The following FCHSD2 variants were observed in gnomAD, a reference collection of about 807,000 sequenced individuals.
FCHSD2 encodes the protein F-BAR and double SH3 domains protein 2.
Under a neutral mutation model 108.1 loss-of-function variants are expected in FCHSD2, and 38 were observed. That is an observed-to-expected ratio of 0.35 (90% CI 0.27 to 0.46). The LOEUF is 0.46. Ranked by LOEUF, FCHSD2 falls within the 20% of genes least tolerant of loss-of-function variation. FCHSD2 has a pLI of 1.00. For missense variants in FCHSD2, 751 were observed against 897.8 expected (o/e 0.84, Z 2.09); for synonymous variants, 279 against 314.7 (o/e 0.89, Z 1.20).
At position 73,076,618 on chromosome 11, in the gene FCHSD2, T is replaced by C. The variant is rs979381404; in HGVS notation, c.165+7077A>G. On this transcript the variant is annotated intron_variant, in intron 3 of 19. Coordinates refer to ENST00000409418, the MANE Select transcript of FCHSD2 (RefSeq NM_014824.3). ...TTCTAAAACTGAATTGTGCTGATTA[T>C]GGCATAACTTTGTATGTTTGCTAAA... Among the ~76,000 whole-genome samples, 13 of 152,234 alleles carry C rather than the reference T, an allele frequency of 8.5e-5. 1 individual carries two copies. Among genetic ancestry groups the C allele is most frequent in the Non-Finnish European group, 1.8e-4 (12 of 68,036 alleles).
intron 12 of FCHSD2, among the ~76,000 whole-genome samples, chr11:72,872,612 C>T (rs1854885348): frequency 6.6e-6 from 1 of 152,066 alleles, no homozygotes; most frequent in African/African-American, 2.4e-5. Flanking sequence ...TATGTTGTAA[C>T]ATGTATCAGT....
chr11:72,951,344 G>C (rs1856615975), intron 8 of FCHSD2, among the ~76,000 whole-genome samples: 1 of 152,228 alleles, frequency 6.6e-6, no homozygotes, highest in Non-Finnish European at 1.5e-5. Context: ...AGATTGGGAA[G>C]CTGGTAAACC....
chr11:72,875,937 A>G (rs1268048499), intron 12 of FCHSD2, among the ~76,000 whole-genome samples: 1 of 152,186 alleles, frequency 6.6e-6, no homozygotes, highest in Non-Finnish European at 1.5e-5. Context: ...TGGGGAAAAG[A>G]CCCAGCCATC....
chr11:72,838,563 G>A lies in FCHSD2; in HGVS notation c.*228C>T. The A allele has an allele frequency of 1.8e-6, 1 of 566,914 alleles. No individual in the cohort carries two copies. Among genetic ancestry groups the A allele is most frequent in the South Asian group, 2.1e-5 (1 of 48,556 alleles). The allele number at this position is 566,914 out of a possible 1,614,324, so 35.1% of individuals were successfully genotyped here. Reference sequence around the variant, plus strand: ...CCTCTTTGCTCCTAGGGTCCGCTAGGATTTGTGCTATGGTAGGAGAAATGA... The same window carrying A: ...CCTCTTTGCTCCTAGGGTCCGCTAGAATTTGTGCTATGGTAGGAGAAATGA... On this transcript the variant is annotated 3_prime_UTR_variant, in exon 20 of 20. Coordinates refer to ENST00000409418, the MANE Select transcript of FCHSD2 (RefSeq NM_014824.3).
At chr11:73,108,953 G>T (rs1248411101) in intron 2 of FCHSD2, among the ~76,000 whole-genome samples, 3 of 152,180 alleles carry the variant, frequency 2.0e-5, no homozygotes, top group Non-Finnish European at 4.4e-5. Context: ...TCTGCATACG[G>T]ATATTCAGTT....
intron 4 of FCHSD2, among the ~76,000 whole-genome samples, chr11:73,009,126 C>T (rs553790360): frequency 7.9e-5 from 12 of 151,326 alleles, no homozygotes; most frequent in Admixed American, 4.6e-4. Flanking sequence ...CTGCATGTAT[C>T]ATCAGATAGG....
chr11:73,080,993 T>C lies in FCHSD2; in HGVS notation c.165+2702A>G, dbSNP rs114008928. On this transcript the variant is annotated intron_variant, in intron 3 of 19. Coordinates refer to ENST00000409418, the MANE Select transcript of FCHSD2 (RefSeq NM_014824.3). The stretch of plus-strand genomic sequence containing the variant: ...AATAAAATAAAATAAAATAAAGAAA[T>C]AGAAATAATCACCAGGAGAACCAAA... Among the ~76,000 whole-genome samples the C allele has an allele frequency of 5.1e-3, 778 of 151,724 alleles. 9 individuals carry two copies. Among genetic ancestry groups the C allele is most frequent in the African/African-American group, 0.018 (754 of 41,310 alleles).
intron 3 of FCHSD2, among the ~76,000 whole-genome samples, chr11:73,051,929 G>C (rs945517139): frequency 1.4e-5 from 2 of 145,384 alleles, no homozygotes; most frequent in African/African-American, 2.6e-5. Context: ...CACACACACT[G>C]ACATCAGGGA....
chr11:72,893,739 C>CTG (rs1855365493), intron 10 of FCHSD2, among the ~76,000 whole-genome samples: 1 of 150,200 alleles, frequency 6.7e-6, no homozygotes, highest in African/African-American at 2.5e-5. Flanking sequence ...CAGAGGGAGA[C>CTG]TCTGTCTCCA....
At chr11:73,086,323 T>A (rs1162078110) in intron 2 of FCHSD2, among the ~76,000 whole-genome samples, 2 of 152,066 alleles carry the variant, frequency 1.3e-5, no homozygotes, top group Admixed American at 6.6e-5. Flanking sequence ...GCAGGAGAAT[T>A]GCTTGAACCC....
chr11:73,114,087 CT>C (rs1369909442), intron 2 of FCHSD2, among the ~76,000 whole-genome samples: 2 of 151,834 alleles, frequency 1.3e-5, no homozygotes, highest in African/African-American at 4.8e-5. Flanking sequence ...AGTCAAAAAC[CT>C]TTGAAATCTA....
intron 6 of FCHSD2, 143 bp downstream of exon 6, chr11:72,988,821 C>T: frequency 2.0e-6 from 1 of 511,230 alleles, no homozygotes; most frequent in Non-Finnish European, 3.2e-6. Context: ...AAAATGTGAC[C>T]TAAAGTATAT....
intron 8 of FCHSD2, among the ~76,000 whole-genome samples, chr11:72,966,222 C>T (rs941156406): frequency 1.6e-4 from 24 of 147,136 alleles, no homozygotes; most frequent in Admixed American, 1.2e-3. Context: ...TGCAGTGGTG[C>T]GATGTCGGCT....
intron 2 of FCHSD2, among the ~76,000 whole-genome samples, chr11:73,107,810 T>C (rs1475239932): frequency 1.3e-5 from 2 of 152,262 alleles, no homozygotes; most frequent in African/African-American, 4.8e-5. Context: ...AGTACTCCAC[T>C]GTGTGTATGT....
intron 8 of FCHSD2, among the ~76,000 whole-genome samples, chr11:72,951,769 T>A (rs577069314): frequency 3.3e-5 from 5 of 152,208 alleles, no homozygotes; most frequent in African/African-American, 9.6e-5. Flanking sequence ...TATTTTCCCA[T>A]TGATTTGAGG....
rs182145962 is a variant in FCHSD2 at position 72,922,069 on chromosome 11, G to C, written c.706-119C>G. ...TAAAATTTATTATTAATAATAAATG[G>C]ACAAAAGATACAGATTGTAAGTAAA... is the stretch of plus-strand genomic sequence containing the variant. On this transcript the variant is annotated intron_variant, in intron 8 of 19. Transcript: ENST00000409418. 75 of 629,824 alleles carry C rather than the reference G, an allele frequency of 1.2e-4. No individual in the cohort carries two copies. In the Admixed American group the frequency reaches 1.8e-3, roughly 15 times the overall value. The allele number at this position is 629,824 out of a possible 1,614,324, so 39.0% of individuals were successfully genotyped here.
At chr11:72,886,402 T>A (rs567084267) in intron 12 of FCHSD2, among the ~76,000 whole-genome samples, 2 of 152,174 alleles carry the variant, frequency 1.3e-5, no homozygotes, top group Non-Finnish European at 2.9e-5. Context: ...CCAGCATTCA[T>A]CTTAAGTCTT....
intron 2 of FCHSD2, among the ~76,000 whole-genome samples, chr11:73,138,792 G>C (rs1861181627): frequency 6.6e-6 from 1 of 152,028 alleles, no homozygotes; most frequent in South Asian, 2.1e-4. Context: ...ATTTTTAGTA[G>C]AGACAGGGTT....
chr11:72,895,557 G>A (rs965113566), intron 10 of FCHSD2, among the ~76,000 whole-genome samples: 1 of 152,098 alleles, frequency 6.6e-6, no homozygotes, highest in Non-Finnish European at 1.5e-5. Context: ...GGCTCCTATT[G>A]TCAGCACATA....
Sources: allele counts gnomAD v4.1 joint callset (sites outside exome capture counted in the v4.1 genomes callset), GRCh38; gene constraint gnomAD v4.1.1; transcripts MANE v1.5; gene names NCBI Gene and HGNC (gene_info 2026-07-23, HGNC 2026-07-21).